RGS6: variants seen among roughly 807,000 people sequenced by gnomAD.
The protein encoded by RGS6 is regulator of G-protein signaling 6.
RGS6 carries 30 observed loss-of-function variants against 78.5 expected under a neutral mutation model. The observed-to-expected ratio is 0.38, with a 90% confidence interval of 0.29 to 0.52. RGS6 has a LOEUF of 0.52. Among genes scored for constraint, RGS6 ranks in the 20% least tolerant of loss-of-function variants. The pLI is 0.85. For missense variants in RGS6, 495 were observed against 609.7 expected, an observed-to-expected ratio of 0.81 and a Z score of 1.98; for synonymous variants, 206 against 206.0, an observed-to-expected ratio of 1.00 and a Z score of 0.00.
chr14:71,891,607 C>A, the RGS6 span, among the ~76,000 whole-genome samples: 36 of 152,328 alleles, frequency 2.4e-4, no homozygotes, highest in African/African-American at 8.2e-4. Flanking sequence ...CACAGGCCCA[C>A]CCACCCTCAA....
At chr14:72,138,285 C>A (rs904786719) in intron 2 of RGS6, among the ~76,000 whole-genome samples, 1 of 151,972 alleles carries the variant, frequency 6.6e-6, no homozygotes, top group Non-Finnish European at 1.5e-5. Context: ...AGGGAACCTG[C>A]GGAGATGGAG....
intron 2 of RGS6, among the ~76,000 whole-genome samples, chr14:72,196,920 T>C (rs1374315833): frequency 6.6e-6 from 1 of 152,212 alleles, no homozygotes; most frequent in African/African-American, 2.4e-5. Context: ...GATCTGTAAA[T>C]TCCCCAGAGA....
intron 3 of RGS6, among the ~76,000 whole-genome samples, chr14:72,421,923 C>T (rs1566805253): frequency 6.6e-6 from 1 of 152,180 alleles, no homozygotes; most frequent in African/African-American, 2.4e-5. Flanking sequence ...AATCATTCCA[C>T]AGATTAAATG....
At chr14:71,916,909 C>A in the RGS6 span, among the ~76,000 whole-genome samples, 6 of 152,302 alleles carry the variant, frequency 3.9e-5, no homozygotes, top group South Asian at 1.0e-3. Context: ...CCAGCTGATT[C>A]CTAGGTGAGG....
chr14:72,422,335 C>G (rs967963206), intron 3 of RGS6, among the ~76,000 whole-genome samples: 3 of 152,196 alleles, frequency 2.0e-5, no homozygotes, highest in Non-Finnish European at 4.4e-5. Context: ...AGCTTTACAT[C>G]TGAGTTATGC....
In RGS6 at chr14:71,988,559, C is replaced by CT. The variant is rs35242096; in HGVS notation, c.84+23694dup. ...TCATTTGTTTATGAATTATCTATGG[C>CT]TTTTTTTTTTGAGCTACCACGGAGG... On this transcript the variant is annotated intron_variant, in intron 2 of 17. Coordinates refer to ENST00000553525, the MANE Select transcript of RGS6 (RefSeq NM_001204424.2). Among the ~76,000 whole-genome samples the CT allele has an allele frequency of 3.0e-4, 45 of 148,804 alleles. 1 individual carries two copies. Among genetic ancestry groups the CT allele is most frequent in the African/African-American group, 7.4e-4 (30 of 40,642 alleles).
At chr14:72,308,200 G>T (rs1162552190) in intron 2 of RGS6, among the ~76,000 whole-genome samples, 2 of 152,098 alleles carry the variant, frequency 1.3e-5, no homozygotes, top group African/African-American at 2.4e-5. Flanking sequence ...ACGATGCTGA[G>T]TAAAGGATAA....
chr14:72,461,932 G>T (rs1002740015), intron 6 of RGS6, among the ~76,000 whole-genome samples: 2 of 152,152 alleles, frequency 1.3e-5, no homozygotes, highest in African/African-American at 4.8e-5. Flanking sequence ...ATGCATGTAA[G>T]GTTCTCTGAG....
intron 2 of RGS6, among the ~76,000 whole-genome samples, chr14:72,121,637 G>A (rs1171130077): frequency 6.6e-6 from 1 of 152,176 alleles, no homozygotes; most frequent in Non-Finnish European, 1.5e-5. Context: ...GCATTGGACA[G>A]CAGGGCAGCC....
At chr14:72,327,169 T>A (rs1409348634) in intron 2 of RGS6, among the ~76,000 whole-genome samples, 1 of 152,230 alleles carries the variant, frequency 6.6e-6, no homozygotes, top group Non-Finnish European at 1.5e-5. Context: ...TATGTGTATA[T>A]GTATTACCTA....
intron 3 of RGS6, among the ~76,000 whole-genome samples, chr14:72,449,104 G>A (rs905406160): frequency 1.3e-5 from 2 of 152,142 alleles, no homozygotes; most frequent in Non-Finnish European, 2.9e-5. Flanking sequence ...TGCAGCAGAG[G>A]CCTGGCAGGA....
At chr14:72,393,860 G>A (rs1566717715) in intron 3 of RGS6, among the ~76,000 whole-genome samples, 1 of 152,160 alleles carries the variant, frequency 6.6e-6, no homozygotes, top group East Asian at 1.9e-4. Flanking sequence ...ATTTTGGAAT[G>A]ATCCTACAAA....
intron 1 of RGS6, among the ~76,000 whole-genome samples, chr14:71,937,983 C>T (rs982632646): frequency 2.6e-5 from 4 of 152,140 alleles, no homozygotes; most frequent in African/African-American, 9.7e-5. Flanking sequence ...AGTGGAAGTC[C>T]GTGTTGCTGA....
At chr14:72,513,885 C>G (rs1455093688) in intron 14 of RGS6, 2 of 152,190 alleles carry the variant, frequency 1.3e-5, no homozygotes, top group African/African-American at 4.8e-5. Flanking sequence ...ATTGATGATC[C>G]GAGTTCCACA....
At chr14:71,965,910 G>A (rs543945244) in intron 2 of RGS6, among the ~76,000 whole-genome samples, 2 of 152,214 alleles carry the variant, frequency 1.3e-5, no homozygotes, top group Non-Finnish European at 2.9e-5. Flanking sequence ...GAATATAGGC[G>A]GCAAGTAGAG....
At chr14:72,501,638 C>T (rs901762045) in intron 13 of RGS6, among the ~76,000 whole-genome samples, 4 of 152,278 alleles carry the variant, frequency 2.6e-5, no homozygotes, top group Middle Eastern at 3.4e-3. Context: ...ATCTGAAAAC[C>T]ACCAGGAGAG....
chr14:71,992,005 A>G (rs540289050), intron 2 of RGS6, among the ~76,000 whole-genome samples: 2 of 147,056 alleles, frequency 1.4e-5, no homozygotes, highest in Non-Finnish European at 3.0e-5. Flanking sequence ...TAGTTTGCCT[A>G]TGCTTGTCTA....
At chr14:71,969,467 G>A (rs1227094978) in intron 2 of RGS6, among the ~76,000 whole-genome samples, 1 of 152,146 alleles carries the variant, frequency 6.6e-6, no homozygotes, top group African/African-American at 2.4e-5. Flanking sequence ...CACTCTGGAT[G>A]TCTTCTACAT....
intron 2 of RGS6, among the ~76,000 whole-genome samples, chr14:72,284,863 A>T (rs1476003837): frequency 6.6e-6 from 1 of 152,174 alleles, no homozygotes; most frequent in Non-Finnish European, 1.5e-5. Flanking sequence ...GCCCATAGGA[A>T]CCCACCTCTT....
Sources: allele counts gnomAD v4.1 joint callset (sites outside exome capture counted in the v4.1 genomes callset), GRCh38; gene constraint gnomAD v4.1.1; transcripts MANE v1.5; gene names NCBI Gene and HGNC (gene_info 2026-07-23, HGNC 2026-07-21).